The following PDE4D variants were observed in gnomAD, a reference collection of about 807,000 sequenced individuals.
PDE4D encodes phosphodiesterase 4D.
Under a neutral mutation model 87.4 loss-of-function variants are expected in PDE4D, and 24 were observed. The observed-to-expected ratio is 0.27, with a 90% CI of 0.20 to 0.39. PDE4D has a LOEUF of 0.39. PDE4D is among the 10% of genes least tolerant of loss of function. PDE4D has a pLI of 1.00. For missense variants in PDE4D, 714 were observed against 1,041.0 expected (o/e 0.69, Z 4.32); for synonymous variants, 384 against 383.2 (o/e 1.00, Z -0.02).
intron 2 of PDE4D, among the ~76,000 whole-genome samples, chr5:60,074,832 T>G (rs1773109941): frequency 2.6e-5 from 4 of 152,186 alleles, no homozygotes; most frequent in Admixed American, 2.6e-4. Flanking sequence ...CAACCCCTGT[T>G]TTTTTCTGTT....
At chr5:59,787,177 T>C (rs527738987) in intron 1 of PDE4D, among the ~76,000 whole-genome samples, 6 of 152,238 alleles carry the variant, frequency 3.9e-5, no homozygotes, top group Non-Finnish European at 8.8e-5. Context: ...TTTCTTCCTC[T>C]ATTTCATGGT....
intron 1 of PDE4D, among the ~76,000 whole-genome samples, chr5:59,870,125 C>G (rs2152736064): frequency 6.6e-6 from 1 of 152,290 alleles, no homozygotes; most frequent in East Asian, 1.9e-4. Flanking sequence ...GAATTTTGTA[C>G]CCAAGACAAC....
chr5:60,043,274 C>A (rs1768739515), intron 2 of PDE4D, among the ~76,000 whole-genome samples: 1 of 152,014 alleles, frequency 6.6e-6, no homozygotes, highest in East Asian at 1.9e-4. Context: ...AAGAACAAAG[C>A]CTCCAAGAAA....
intron 1 of PDE4D, among the ~76,000 whole-genome samples, chr5:59,689,347 C>A (rs879770040): frequency 2.6e-5 from 4 of 152,180 alleles, no homozygotes; most frequent in Non-Finnish European, 4.4e-5. Flanking sequence ...CCGAAGCCAG[C>A]AGCACATCAA....
intron 1 of PDE4D, among the ~76,000 whole-genome samples, chr5:59,302,730 A>G (rs1770515770): frequency 6.6e-6 from 1 of 152,166 alleles, no homozygotes; most frequent in South Asian, 2.1e-4. Context: ...ATAGCTGTGT[A>G]GTATTTCATT....
In PDE4D at chr5:60,234,172, C is replaced by G. The variant is rs182061682; in HGVS notation, c.-89-48485G>C. 2.0e-5 allele frequency among the ~76,000 whole-genome samples: 3 copies of G among 151,912 alleles called. No individual in the cohort carries two copies. In the East Asian group the frequency reaches 5.8e-4, roughly 29 times the overall value. On this transcript the variant is annotated intron_variant, in intron 1 of 16. Coordinates refer to the PDE4D transcript ENST00000502484. ...TTCATAGATTTGTCTATTCTGGACA[C>G]TTCATATAAATTGAGTCATACAAGA...
chr5:59,924,284 G>T (rs1348724844), intron 3 of PDE4D, among the ~76,000 whole-genome samples: 2 of 152,144 alleles, frequency 1.3e-5, no homozygotes, highest in Non-Finnish European at 2.9e-5. Flanking sequence ...TAAAGAGAAG[G>T]TGGAGAGAGA....
At chr5:59,292,337 T>C (rs1768195768) in intron 1 of PDE4D, among the ~76,000 whole-genome samples, 1 of 152,184 alleles carries the variant, frequency 6.6e-6, no homozygotes, top group Non-Finnish European at 1.5e-5. Flanking sequence ...ATTTTTAAAA[T>C]AACAATCTTG....
chr5:58,972,414 TAA>T lies in PDE4D; in HGVS notation c.*2248_*2249del, dbSNP rs1742772703. The T allele has an allele frequency of 6.6e-6, 1 of 152,562 alleles. No individual in the cohort carries two copies. Among genetic ancestry groups the T allele is most frequent in the East Asian group, 1.9e-4 (1 of 5,166 alleles). The allele number at this position is 152,562 out of a possible 1,614,324, so 9.5% of individuals were successfully genotyped here. On this transcript the variant is annotated 3_prime_UTR_variant, in exon 15 of 15. Coordinates refer to ENST00000340635, the MANE Select transcript of PDE4D (RefSeq NM_001104631.2). ...TGCTTTATGTAAAAGATCAGAGTTATAAAGACATAATTTTTATTTCAAAGGAT... is the reference window on the plus strand; with the variant it reads ...TGCTTTATGTAAAAGATCAGAGTTATAGACATAATTTTTATTTCAAAGGAT...
chr5:59,874,035 C>T (rs896309536), intron 1 of PDE4D, among the ~76,000 whole-genome samples: 2 of 152,000 alleles, frequency 1.3e-5, no homozygotes, highest in African/African-American at 4.8e-5. Flanking sequence ...CATGGTGATA[C>T]CTTGTCTCTA....
intron 1 of PDE4D, among the ~76,000 whole-genome samples, chr5:59,556,853 G>T: frequency 6.7e-6 from 1 of 149,078 alleles, no homozygotes; most frequent in Non-Finnish European, 1.5e-5. Context: ...AATAAAGAAA[G>T]GATGGAAGGA....
chr5:59,783,821 C>A (rs1764865349), intron 1 of PDE4D, among the ~76,000 whole-genome samples: 1 of 152,152 alleles, frequency 6.6e-6, no homozygotes. Context: ...AACCCCAGCA[C>A]TTTGGGAGGC....
chr5:59,783,779 C>A (rs1764859867), intron 1 of PDE4D, among the ~76,000 whole-genome samples: 1 of 152,144 alleles, frequency 6.6e-6, no homozygotes. Context: ...AAGAACCAGG[C>A]AACTTGGCCA....
intron 2 of PDE4D, among the ~76,000 whole-genome samples, chr5:60,106,972 T>C (rs1279643476): frequency 6.6e-6 from 1 of 151,402 alleles, no homozygotes. Context: ...AGCAAACACA[T>C]TCAAAAGCTA....
intron 1 of PDE4D, among the ~76,000 whole-genome samples, chr5:59,337,112 AGAG>A (rs1008791070): frequency 1.1e-4 from 17 of 152,138 alleles, no homozygotes; most frequent in African/African-American, 3.9e-4. Flanking sequence ...GAACACAAAA[AGAG>A]GAGAAGGATG....
At chr5:59,187,529 T>C (rs1743190810) in intron 3 of PDE4D, among the ~76,000 whole-genome samples, 1 of 152,196 alleles carries the variant, frequency 6.6e-6, no homozygotes, top group South Asian at 2.1e-4. Flanking sequence ...TATTATTCTT[T>C]ATATTTTACA....
chr5:59,644,826 T>C (rs1412833600), intron 1 of PDE4D, among the ~76,000 whole-genome samples: 2 of 152,232 alleles, frequency 1.3e-5, no homozygotes, highest in Admixed American at 6.5e-5. Context: ...TGAATTGGGC[T>C]TTCATCCCAT....
intron 1 of PDE4D, among the ~76,000 whole-genome samples, chr5:59,591,142 T>C (rs1825863063): frequency 6.6e-6 from 1 of 152,108 alleles, no homozygotes; most frequent in African/African-American, 2.4e-5. Context: ...TGATAATACA[T>C]ACAAAAAAAG....
chr5:60,399,164 C>T (rs1348871693), intron 1 of PDE4D, among the ~76,000 whole-genome samples: 1 of 152,146 alleles, frequency 6.6e-6, no homozygotes, highest in African/African-American at 2.4e-5. Flanking sequence ...TTCACTTCTC[C>T]AATCCAATTT....
Sources: gnomAD v4.1 joint callset for allele counts (sites outside exome capture counted in the v4.1 genomes callset) on GRCh38, gnomAD v4.1.1 for gene constraint, MANE v1.5 for transcripts, NCBI Gene and HGNC (gene_info 2026-07-23, HGNC 2026-07-21) for gene names.